The following SCAMP1 variants were observed in gnomAD, a reference collection of about 807,000 sequenced individuals.
SCAMP1 encodes the protein secretory carrier membrane protein 1, also known as secretory carrier-associated membrane protein 1.
A neutral mutation model predicts 41.8 loss-of-function variants in SCAMP1; 15 were observed. The ratio of observed to expected loss-of-function variants is 0.36; its 90% CI spans 0.24 to 0.55. The LOEUF (loss-of-function observed/expected upper bound fraction) is 0.55. SCAMP1 is among the 20% of genes least tolerant of loss of function. SCAMP1 has a pLI of 0.86. For synonymous variants in SCAMP1, 135 were observed against 136.8 expected, an observed-to-expected ratio of 0.99 and a Z score of 0.09; for missense variants, 341 against 412.6, an observed-to-expected ratio of 0.83 and a Z score of 1.50.
At chr5:78,418,266 G>A (rs1752257212) in intron 4 of SCAMP1, among the ~76,000 whole-genome samples, 1 of 151,876 alleles carries the variant, frequency 6.6e-6, no homozygotes, top group Non-Finnish European at 1.5e-5. Context: ...TGATTCTTTG[G>A]TATTGGTTTA....
rs1753840032 is a variant in SCAMP1, at chr5:78,469,918, AAAAAAAAAAAAAAAC to A, written c.853-5583_853-5569del. Among the ~76,000 whole-genome samples the A allele has an allele frequency of 5.0e-4, 23 of 45,572 alleles. 1 individual carries two copies. Among genetic ancestry groups the A allele is most frequent in the African/African-American group, 2.0e-3 (22 of 11,038 alleles). 29.9% of individuals were successfully genotyped at this position (45,572 alleles called of 152,430 possible). On this transcript the variant is annotated intron_variant, in intron 8 of 8. Transcript: ENST00000621999. ...AAAAAAAAAAAAAAAAAAAACAAAAAAAAAAAAAAAAAAACAACAACACAGCCCAGGCATGGTGGT... is the reference window on the plus strand; with the variant it reads ...AAAAAAAAAAAAAAAAAAAACAAAAAAACAACACAGCCCAGGCATGGTGGT...
At chr5:78,436,237 A>G (rs1417364701) in intron 6 of SCAMP1, among the ~76,000 whole-genome samples, 4 of 151,956 alleles carry the variant, frequency 2.6e-5, no homozygotes, top group Admixed American at 2.0e-4. Flanking sequence ...ATTAGATCCC[A>G]TTTGTCTATT....
At position 78,426,814 on chromosome 5, in the gene SCAMP1, A is replaced by G. The variant is rs535888346; in HGVS notation, c.632+4854A>G. The stretch of plus-strand genomic sequence containing the variant: ...GAGCATTTCATGTAAATGGAATCAT[A>G]GAACATCTAGTCTTTTGCTGTTTTC... On this transcript the variant is annotated intron_variant, in intron 6 of 8. Transcript: ENST00000621999. Among the ~76,000 whole-genome samples the G allele has an allele frequency of 2.0e-5, 3 of 152,348 alleles. No individual in the cohort carries two copies. The South Asian group carries it at 6.2e-4, about 32-fold the overall frequency.
chr5:78,373,804 C>A (rs960099301), intron 1 of SCAMP1, among the ~76,000 whole-genome samples: 13 of 152,106 alleles, frequency 8.5e-5, no homozygotes, highest in Admixed American at 8.5e-4. Context: ...AGTGGACCAT[C>A]TAATTTCTGT....
At chr5:78,368,001 G>T (rs1750841459) in intron 1 of SCAMP1, among the ~76,000 whole-genome samples, 1 of 152,110 alleles carries the variant, frequency 6.6e-6, no homozygotes, top group Non-Finnish European at 1.5e-5. Context: ...CAGCTGAGTA[G>T]CATTTTTGGC....
chr5:78,369,601 G>A (rs370861831), intron 1 of SCAMP1, among the ~76,000 whole-genome samples: 7 of 152,358 alleles, frequency 4.6e-5, no homozygotes, highest in African/African-American at 1.7e-4. Context: ...AGCACATGCT[G>A]TTGGGAAAAT....
At chr5:78,366,015 G>T (rs1750786089) in intron 1 of SCAMP1, among the ~76,000 whole-genome samples, 1 of 152,126 alleles carries the variant, frequency 6.6e-6, no homozygotes, top group South Asian at 2.1e-4. Flanking sequence ...AACTCTGGAG[G>T]CTAGGAAGTC....
intron 1 of SCAMP1, among the ~76,000 whole-genome samples, chr5:78,368,901 C>A (rs1346609903): frequency 6.6e-6 from 1 of 151,852 alleles, no homozygotes; most frequent in Non-Finnish European, 1.5e-5. Context: ...TAAATTTTGT[C>A]CAAACAGACT....
At chr5:78,387,913 C>T (rs1561255443) in intron 1 of SCAMP1, among the ~76,000 whole-genome samples, 1 of 152,162 alleles carries the variant, frequency 6.6e-6, no homozygotes, top group African/African-American at 2.4e-5. Context: ...GTTGGTTGGC[C>T]TCCAGCCAGG....
At chr5:78,407,839 C>G (rs1751972100) in intron 2 of SCAMP1, among the ~76,000 whole-genome samples, 1 of 151,994 alleles carries the variant, frequency 6.6e-6, no homozygotes, top group Non-Finnish European at 1.5e-5. Context: ...GTTTTCATTT[C>G]TAGAATTTCA....
At chr5:78,362,726 C>T (rs1392979487) in intron 1 of SCAMP1, among the ~76,000 whole-genome samples, 1 of 152,054 alleles carries the variant, frequency 6.6e-6, no homozygotes, top group Non-Finnish European at 1.5e-5. Flanking sequence ...TTTATGTTCA[C>T]CTGCCCCTCC....
chr5:78,388,258 T>TA lies in SCAMP1; in HGVS notation c.58-575dup, dbSNP rs1446096536. Among the ~76,000 whole-genome samples, 5 of 152,310 alleles carry TA rather than the reference T, an allele frequency of 3.3e-5. No homozygotes were observed. In the East Asian group the frequency reaches 9.6e-4, roughly 29 times the overall value. The stretch of plus-strand genomic sequence containing the variant: ...GGTTATTTTCATGAAAGCCTACTAT[T>TA]AAAAGATTTGAAAAATTGGAATGGT... On this transcript the variant is annotated intron_variant, in intron 1 of 8. Coordinates refer to ENST00000621999, the MANE Select transcript of SCAMP1 (RefSeq NM_004866.6).
chr5:78,462,196 A>AGTGTGTGTGT (rs58331355), intron 8 of SCAMP1, among the ~76,000 whole-genome samples: 280 of 147,986 alleles, frequency 1.9e-3, no homozygotes, highest in East Asian at 0.013. Context: ...TGTGTGTAGG[A>AGTGTGTGTGT]GTGTGTGTGT....
intron 6 of SCAMP1, 48 bp from the exon 7 acceptor site, chr5:78,449,885 C>T: frequency 1.0e-6 from 1 of 1,000,906 alleles, no homozygotes; most frequent in Non-Finnish European, 1.5e-6. Flanking sequence ...CCCCTTCTTT[C>T]TCTCCCCCTA....
chr5:78,418,778 G>T lies in SCAMP1; in HGVS notation c.347G>T (p.Arg116Ile). The T allele has an allele frequency of 6.6e-7, 1 of 1,519,132 alleles. No homozygotes were observed. Among genetic ancestry groups the T allele is most frequent in the Non-Finnish European group, 8.8e-7 (1 of 1,130,724 alleles). 94.1% of individuals were successfully genotyped at this position (1,519,132 alleles called of 1,614,324 possible). A position where few individuals can be genotyped will look rare whatever the true frequency, so the allele number is the denominator to read the frequency against. Residue 116 changes from arginine (R) to isoleucine (I), a missense_variant, in exon 5 of 9, where the codon AGA (arginine) becomes ATA (isoleucine). Transcript: ENST00000621999. ...TTTTTCTAAAAAAAATTTACAGGTA[G>T]AAAAAATAATTGGCCACCTCTTCCT... The part of the protein sequence containing the change: ...REMQNLSQHG[R>I]KNNWPPLPSN...
intron 1 of SCAMP1, among the ~76,000 whole-genome samples, chr5:78,371,216 A>G (rs1231433717): frequency 1.3e-5 from 2 of 152,188 alleles, no homozygotes; most frequent in Non-Finnish European, 2.9e-5. Context: ...TTAGTGTCAC[A>G]TCTAAGAATC....
intron 2 of SCAMP1, among the ~76,000 whole-genome samples, chr5:78,400,929 G>T (rs1353076928): frequency 6.6e-6 from 1 of 152,066 alleles, no homozygotes; most frequent in Non-Finnish European, 1.5e-5. Context: ...GATCTTAGCT[G>T]GAAAGCTTCT....
intron 2 of SCAMP1, among the ~76,000 whole-genome samples, chr5:78,397,283 T>C (rs1751676305): frequency 6.6e-6 from 1 of 152,170 alleles, no homozygotes; most frequent in Admixed American, 6.5e-5. Context: ...GATGTCCACA[T>C]ACAGTAGAAT....
At chr5:78,423,262 C>T in intron 6 of SCAMP1, among the ~76,000 whole-genome samples, 1 of 152,120 alleles carries the variant, frequency 6.6e-6, no homozygotes, top group Non-Finnish European at 1.5e-5. Context: ...CCTTTGGATA[C>T]ATTGAAATAT....
Sources: allele counts gnomAD v4.1 joint callset (sites outside exome capture counted in the v4.1 genomes callset), GRCh38; gene constraint gnomAD v4.1.1; transcripts MANE v1.5; gene names NCBI Gene and HGNC (gene_info 2026-07-23, HGNC 2026-07-21).